The following PNLIP variants were observed in gnomAD, a reference collection of about 807,000 sequenced individuals.
PNLIP encodes pancreatic triacylglycerol lipase.
A neutral mutation model predicts 57.1 loss-of-function variants in PNLIP; 49 were observed. That is an observed-to-expected ratio of 0.86 (90% CI 0.68 to 1.09). The LOEUF is 1.09. Ranked by LOEUF, PNLIP falls within the 50% of genes least tolerant of loss-of-function variation. The pLI is 0.00. For missense variants in PNLIP, 503 were observed against 570.2 expected (o/e 0.88, Z 1.20); for synonymous variants, 209 against 200.4 (o/e 1.04, Z -0.36).
At chr10:116,565,140 C>G (rs1383433167) in intron 12 of PNLIP, among the ~76,000 whole-genome samples, 1 of 147,700 alleles carries the variant, frequency 6.8e-6, no homozygotes, top group African/African-American at 2.5e-5. Flanking sequence ...GTCCCAGCTA[C>G]TCAGGAGGCT....
intron 9 of PNLIP, 33 bp downstream of exon 9, chr10:116,556,151 T>C: frequency 8.1e-7 from 1 of 1,232,484 alleles, no homozygotes; most frequent in African/African-American, 1.5e-5. Flanking sequence ...ATAAAGAATT[T>C]TGTGACTGTC....
intron 12 of PNLIP, among the ~76,000 whole-genome samples, chr10:116,567,172 C>CTTTCTTTCT (rs1564728851): frequency 7.1e-6 from 1 of 141,310 alleles, no homozygotes; most frequent in African/African-American, 2.8e-5. Flanking sequence ...CTTTCTTTCT[C>CTTTCTTTCT]TTTCTTTCTT....
intron 11 of PNLIP, among the ~76,000 whole-genome samples, chr10:116,560,891 G>T (rs1357427659): frequency 1.3e-5 from 2 of 152,088 alleles, no homozygotes; most frequent in Non-Finnish European, 2.9e-5. Flanking sequence ...GCTTCTTAAT[G>T]TTGGAATACT....
intron 4 of PNLIP, among the ~76,000 whole-genome samples, chr10:116,550,058 T>C (rs1485491883): frequency 7.0e-6 from 1 of 143,624 alleles, no homozygotes; most frequent in Non-Finnish European, 1.5e-5. Context: ...AAATTCTTTT[T>C]TTTTTTTTTT....
Position 116,555,381 on chromosome 10 carries a change from A to G in PNLIP, c.692-7A>G. On this transcript the variant is annotated splice_region_variant and splice_polypyrimidine_tract_variant and intron_variant, in intron 7 of 12. Coordinates refer to ENST00000369221, the MANE Select transcript of PNLIP (RefSeq NM_000936.4). The stretch of plus-strand genomic sequence containing the variant: ...GCATAAACCCTCATGTATTTTTATG[A>G]TTTCAGGGTTTGGAATGAGCCAAGT... 4 of 1,614,072 alleles carry G rather than the reference A, an allele frequency of 2.5e-6. No individual in the cohort carries two copies. Among genetic ancestry groups the G allele is most frequent in the Non-Finnish European group, 3.4e-6 (4 of 1,180,008 alleles).
chr10:116,551,001 G>A, intron 4 of PNLIP, 97 bp from the exon 5 acceptor site: 2 of 985,948 alleles, frequency 2.0e-6, no homozygotes, highest in Non-Finnish European at 2.9e-6. Context: ...ACATTGTGTG[G>A]GTCAAGGAGG....
intron 3 of PNLIP, 141 bp downstream of exon 3, chr10:116,547,589 G>A: frequency 1.5e-6 from 1 of 648,152 alleles, no homozygotes; most frequent in Non-Finnish European, 2.6e-6. Context: ...AGCCAGGCGT[G>A]GTGGCAGGCG....
intron 2 of PNLIP, among the ~76,000 whole-genome samples, chr10:116,546,490 G>A (rs1283252982): frequency 6.6e-6 from 1 of 152,062 alleles, no homozygotes; most frequent in Non-Finnish European, 1.5e-5. Context: ...TTGAACCTTG[G>A]CTCCACCACC....
chr10:116,553,944 T>TA (rs1321029698), intron 6 of PNLIP, 106 bp downstream of exon 6: 55,476 of 389,542 alleles, frequency 0.14, 1 homozygote, highest in East Asian at 0.18. Context: ...CCTATCTCCT[T>TA]AAAAAAAAAA....
At chr10:116,564,068 A>G (rs1458647679) in intron 12 of PNLIP, among the ~76,000 whole-genome samples, 1 of 152,162 alleles carries the variant, frequency 6.6e-6, no homozygotes, top group Non-Finnish European at 1.5e-5. Flanking sequence ...CCAACAGATC[A>G]AAGAAAATCA....
intron 6 of PNLIP, 28 bp from the exon 7 acceptor site, chr10:116,555,150 A>G (rs1847238648): frequency 6.2e-7 from 1 of 1,613,448 alleles, no homozygotes; most frequent in Non-Finnish European, 8.5e-7. Flanking sequence ...GACTTGTCAT[A>G]ATTCATGAAA....
chr10:116,566,514 TTG>T (rs1847369026), intron 12 of PNLIP, among the ~76,000 whole-genome samples: 1 of 151,856 alleles, frequency 6.6e-6, no homozygotes, highest in South Asian at 2.1e-4. Flanking sequence ...TGTGTGTGTG[TTG>T]TGTGTGTGTG....
chr10:116,547,315 G>A lies in PNLIP; in HGVS notation c.68G>A (p.Arg23Lys). The change falls in exon 3 of 13, where the codon AGA (arginine) becomes AAA (lysine). Residue 23 changes from arginine to lysine, a missense_variant. By Grantham distance (26) the Arg-to-Lys change is conservative. Coordinates refer to ENST00000369221, the MANE Select transcript of PNLIP (RefSeq NM_000936.4). Reference sequence around the variant, plus strand: ...GCAGGAAAAGAAGTTTGCTACGAAAGACTCGGCTGCTTCAGTGATGACTCC... The same window carrying A: ...GCAGGAAAAGAAGTTTGCTACGAAAAACTCGGCTGCTTCAGTGATGACTCC... Reference protein sequence around the residue: ...AVAGKEVCYERLGCFSDDSPW... With the variant: ...AVAGKEVCYEKLGCFSDDSPW... 6.2e-7 allele frequency: 1 copy of A among 1,614,080 alleles called. No individual in the cohort carries two copies. The highest frequency in any genetic ancestry group is 8.5e-7 in the Non-Finnish European group (1 of 1,179,984).
At chr10:116,554,257 T>C (rs1236923521) in intron 6 of PNLIP, among the ~76,000 whole-genome samples, 7 of 152,228 alleles carry the variant, frequency 4.6e-5, no homozygotes, top group Admixed American at 4.6e-4. Flanking sequence ...AGGACAAGTT[T>C]CATGAATAGA....
intron 6 of PNLIP, among the ~76,000 whole-genome samples, chr10:116,554,225 C>T (rs1216523507): frequency 1.3e-5 from 2 of 152,064 alleles, no homozygotes; most frequent in Non-Finnish European, 2.9e-5. Flanking sequence ...ATGTCTATTT[C>T]CCCATTGACC....
intron 12 of PNLIP, among the ~76,000 whole-genome samples, chr10:116,566,716 A>C (rs1415599236): frequency 6.6e-6 from 1 of 152,168 alleles, no homozygotes; most frequent in African/African-American, 2.4e-5. Flanking sequence ...TAACTACTAC[A>C]AAAAAATTCA....
chr10:116,555,976 T>G (rs1564725968), intron 8 of PNLIP, 24 bp from the exon 9 acceptor site: 1 of 1,335,068 alleles, frequency 7.5e-7, no homozygotes, highest in Admixed American at 1.7e-5. Context: ...CTGTCCTTGA[T>G]GTGTAATTGT....
chr10:116,559,051 C>G, intron 9 of PNLIP, 103 bp from the exon 10 acceptor site: 3 of 1,405,316 alleles, frequency 2.1e-6, no homozygotes, highest in South Asian at 1.5e-5. Flanking sequence ...ATCATCAGAA[C>G]AGAACTGGCT....
Position 116,561,556 on chromosome 10 carries a change from T to C in PNLIP, c.1254T>C (p.Ile418=), listed in dbSNP as rs373313591. 1,111 of 1,613,730 alleles carry C rather than the reference T, an allele frequency of 6.9e-4. 20 individuals carry two copies. The South Asian group carries it at 0.012, about 17-fold the overall frequency. ...DVGDLQMVKF[I]WYNNVINPTL... is the part of the protein sequence containing the mutation. ...GGGACTTGCAGATGGTTAAATTTAT[T>C]TGGTATAACAATGTGATCAACCCAA... Residue 418 remains isoleucine (I), a synonymous_variant, in exon 12 of 13, where the codon ATT becomes ATC. Coordinates refer to ENST00000369221, the MANE Select transcript of PNLIP (RefSeq NM_000936.4).
Sources: gnomAD v4.1 joint callset for allele counts (sites outside exome capture counted in the v4.1 genomes callset) on GRCh38, gnomAD v4.1.1 for gene constraint, MANE v1.5 for transcripts, NCBI Gene and HGNC (gene_info 2026-07-23, HGNC 2026-07-21) for gene names.